The following ICE2 variants were observed in gnomAD, a reference collection of about 807,000 sequenced individuals.
ICE2 encodes interactor of little elongation complex ELL subunit 2.
ICE2 carries 87 observed loss-of-function variants against 105.4 expected under a neutral mutation model. That is an observed-to-expected ratio of 0.83 (90% CI 0.69 to 0.99). The LOEUF is 0.99. ICE2 is among the 50% of genes least tolerant of loss of function. The probability of loss-of-function intolerance (pLI) is 0.00; values close to 1 mark genes in which losing one functional copy is unlikely to be tolerated. For synonymous variants in ICE2, 399 were observed against 392.0 expected (o/e 1.02, Z -0.21); for missense variants, 1,323 against 1,146.7 (o/e 1.15, Z -2.22).
intron 9 of ICE2, chr15:60,452,608 G>T (rs2063992476): frequency 6.4e-6 from 1 of 155,718 alleles, no homozygotes; most frequent in African/African-American, 2.4e-5. Context: ...AAAACTTATG[G>T]AATGAATGAA....
chr15:60,450,223 T>C (rs1349123706), intron 9 of ICE2, among the ~76,000 whole-genome samples: 2 of 152,174 alleles, frequency 1.3e-5, no homozygotes, highest in Non-Finnish European at 2.9e-5. Context: ...GCAGAGACAC[T>C]TGGTCTTAGC....
intron 5 of ICE2, among the ~76,000 whole-genome samples, chr15:60,463,651 T>C (rs1390001393): frequency 6.6e-6 from 1 of 152,156 alleles, no homozygotes; most frequent in African/African-American, 2.4e-5. Context: ...CAGGAGCCTG[T>C]AATCCCAGCT....
rs2063273295 is a variant in ICE2 at position 60,423,618 on chromosome 15, T to C, written c.*16A>G. On this transcript the variant is annotated 3_prime_UTR_variant, in exon 16 of 16. Coordinates refer to ENST00000261520, the MANE Select transcript of ICE2 (RefSeq NM_024611.6). ...TATAACTGTTTTTTTAAATTTAGTTTTCCATGGTACAGTCCTCAAGTTATT... is the reference window on the plus strand; with the variant it reads ...TATAACTGTTTTTTTAAATTTAGTTCTCCATGGTACAGTCCTCAAGTTATT... 1.3e-6 allele frequency: 2 copies of C among 1,587,446 alleles called. No individual in the cohort carries two copies. Among genetic ancestry groups the C allele is most frequent in the Admixed American group, 3.6e-5 (2 of 55,024 alleles).
intron 3 of ICE2, among the ~76,000 whole-genome samples, chr15:60,469,248 G>A (rs755160653): frequency 6.6e-6 from 1 of 152,146 alleles, no homozygotes; most frequent in Non-Finnish European, 1.5e-5. Context: ...GCTGAAAAAT[G>A]AGAACACATG....
chr15:60,465,832 A>C (rs1288504223), intron 5 of ICE2, among the ~76,000 whole-genome samples: 2 of 150,126 alleles, frequency 1.3e-5, no homozygotes, highest in African/African-American at 4.9e-5. Context: ...CTCACTGCAA[A>C]CCTCCACCTC....
Position 60,453,525 on chromosome 15 carries a change from G to C in ICE2, c.1125+78C>G. 2.6e-6 allele frequency: 4 copies of C among 1,560,448 alleles called. No homozygotes were observed. In the South Asian group the frequency reaches 4.9e-5, roughly 19 times the overall value. On this transcript the variant is annotated intron_variant, in intron 9 of 15. Coordinates refer to ENST00000261520, the MANE Select transcript of ICE2 (RefSeq NM_024611.6). The stretch of plus-strand genomic sequence containing the variant: ...CTGTATTTTTAACTACTAGGTTTAG[G>C]GATTTGCAATAAAACTTTATGCTTC...
intron 5 of ICE2, among the ~76,000 whole-genome samples, chr15:60,457,445 C>T (rs894423907): frequency 4.6e-5 from 7 of 152,136 alleles, no homozygotes; most frequent in Admixed American, 3.3e-4. Context: ...AAAACACACA[C>T]ACACATTATC....
At chr15:60,443,170 T>C (rs1283009515) in intron 11 of ICE2, 1 of 152,186 alleles carries the variant, frequency 6.6e-6, no homozygotes, top group East Asian at 1.9e-4. Context: ...ATAAGTAAAA[T>C]GACTGTACCT....
In ICE2 at chr15:60,453,721, CTCAT is replaced by C; in HGVS notation, c.1003_1006del (p.Met335GlufsTer12). The C allele has an allele frequency of 6.2e-7, 1 of 1,607,036 alleles. No homozygotes were observed. On this transcript the variant is annotated frameshift_variant, in exon 9 of 16. Transcript: ENST00000261520. LOFTEE classifies it high-confidence loss of function. ...TTCATGAAAGATTTGATTTCTCTCTCTCATAGTCATTTTCTTTTGGGGAAGTGGT... is the reference window on the plus strand; with the variant it reads ...TTCATGAAAGATTTGATTTCTCTCTCAGTCATTTTCTTTTGGGGAAGTGGT...
At chr15:60,447,097 A>AT (rs1280626056) in intron 11 of ICE2, among the ~76,000 whole-genome samples, 1 of 152,024 alleles carries the variant, frequency 6.6e-6, no homozygotes, top group African/African-American at 2.4e-5. Flanking sequence ...GCAGCAATAC[A>AT]TTTTTTTTCC....
chr15:60,445,544 C>A, intron 11 of ICE2: 1 of 957,850 alleles, frequency 1.0e-6, no homozygotes, highest in East Asian at 1.2e-4. Context: ...CTGAGTTTGA[C>A]ACAATCAGAA....
At position 60,422,170 on chromosome 15, in the gene ICE2, G is replaced by A. The variant is rs1250365639; in HGVS notation, c.*1464C>T. ...TTTCTTTGAGACAGGGTCACACTCT[G>A]ATACTCAAGCTGAGTTCTGTGGTGC... is the stretch of plus-strand genomic sequence containing the variant. On this transcript the variant is annotated 3_prime_UTR_variant, in exon 16 of 16. Transcript: ENST00000261520. 1.3e-5 allele frequency: 2 copies of A among 150,798 alleles called. No homozygotes were observed. Among genetic ancestry groups the A allele is most frequent in the African/African-American group, 2.4e-5 (1 of 40,918 alleles). The allele number at this position is 150,798 out of a possible 1,614,324, so 9.3% of individuals were successfully genotyped here.
chr15:60,431,871 T>C, intron 14 of ICE2, 63 bp downstream of exon 14: 1 of 932,706 alleles, frequency 1.1e-6, no homozygotes, highest in East Asian at 2.7e-5. Flanking sequence ...TTTTCAAAGT[T>C]TCTAAGAATT....
chr15:60,454,627 A>T (rs1429037537), intron 8 of ICE2: 1 of 160,352 alleles, frequency 6.2e-6, no homozygotes, highest in Non-Finnish European at 1.4e-5. Context: ...CAGTACTTTG[A>T]TATCTGACAA....
At chr15:60,476,281 C>G (rs2064760063) in intron 2 of ICE2, 114 bp from the exon 3 acceptor site, 1 of 649,006 alleles carries the variant, frequency 1.5e-6, no homozygotes, top group Non-Finnish European at 2.7e-6. Context: ...CCCCCCATCC[C>G]CAGACAATCT....
In ICE2 at chr15:60,420,768, A is replaced by ATT. The variant is rs2063234926; in HGVS notation, c.*2865_*2866insAA. 6.6e-6 allele frequency: 1 copy of ATT among 152,214 alleles called. No homozygotes were observed. Among genetic ancestry groups the ATT allele is most frequent in the African/African-American group, 2.4e-5 (1 of 41,456 alleles). The allele number at this position is 152,214 out of a possible 1,614,324, so 9.4% of individuals were successfully genotyped here. ...TTAACTACCAAGATCTGGTTAGATG[A>ATT]CTTGCTTACTTTATCAAAGCACTTA... On this transcript the variant is annotated 3_prime_UTR_variant, in exon 16 of 16. Transcript: ENST00000261520.
rs1305183836 is a variant in ICE2 at position 60,468,338 on chromosome 15, T to A, written c.147-16A>T. 6.3e-7 allele frequency: 1 copy of A among 1,579,292 alleles called. No homozygotes were observed. Among genetic ancestry groups the A allele is most frequent in the Non-Finnish European group, 8.6e-7 (1 of 1,156,080 alleles). ...TCCTATACGTCTGGAAAACAAAATA[T>A]AATTTACAAATATGTGCTTTTCACA... is the stretch of plus-strand genomic sequence containing the variant. On this transcript the variant is annotated splice_polypyrimidine_tract_variant and intron_variant, in intron 3 of 15. Coordinates refer to ENST00000261520, the MANE Select transcript of ICE2 (RefSeq NM_024611.6).
chr15:60,453,043 C>A, intron 9 of ICE2: 1 of 789,922 alleles, frequency 1.3e-6, no homozygotes, highest in Non-Finnish European at 1.5e-6. Flanking sequence ...CCAGCCAGGC[C>A]AACATGGCGA....
In ICE2 at chr15:60,431,948, T is replaced by C. The variant is rs199927446; in HGVS notation, c.2547A>G (p.Leu849=). ...AAAATACTTACCTACTTAGTTTCTT[T>C]AGAATGTGTTGGAGGATGTTAAATA... is the stretch of plus-strand genomic sequence containing the variant. The part of the protein sequence containing the change: ...SNLFNILQHI[L]KKLSSLQEGS... Residue 849 remains leucine, a synonymous_variant, in exon 14 of 16, where the codon CTA becomes CTG. Coordinates refer to ENST00000261520, the MANE Select transcript of ICE2 (RefSeq NM_024611.6). The C allele has an allele frequency of 8.6e-5, 119 of 1,383,124 alleles. No homozygotes were observed. Among genetic ancestry groups the C allele is most frequent in the Non-Finnish European group, 1.1e-5 (11 of 989,448 alleles). 85.7% of individuals were successfully genotyped at this position (1,383,124 alleles called of 1,614,324 possible).
Sources: gnomAD v4.1 joint callset for allele counts (sites outside exome capture counted in the v4.1 genomes callset) on GRCh38, gnomAD v4.1.1 for gene constraint, MANE v1.5 for transcripts, NCBI Gene and HGNC (gene_info 2026-07-23, HGNC 2026-07-21) for gene names.